HOXA9: variants seen among roughly 807,000 people sequenced by gnomAD.
The protein encoded by HOXA9 is homeobox protein Hox-A9.
A neutral mutation model predicts 19.0 loss-of-function variants in HOXA9; 18 were observed. The observed-to-expected ratio is 0.95, with a 90% CI of 0.65 to 1.40. The LOEUF (loss-of-function observed/expected upper bound fraction) is 1.40. Ranked by LOEUF, HOXA9 falls within the 40% of genes most tolerant of loss-of-function variation. HOXA9 has a pLI of 0.00. For missense variants in HOXA9, 443 were observed against 372.2 expected, an observed-to-expected ratio of 1.19 and a Z score of -1.57; for synonymous variants, 198 against 161.1, an observed-to-expected ratio of 1.23 and a Z score of -1.73.
In HOXA9 at chr7:27,162,494, C is replaced by A. The variant is rs963735434; in HGVS notation, c.*1109G>T. ...AAAGTTAAATATCATCTCAACACAA[C>A]AATTTGGTCAGTAGGCCTTGAGGTA... On this transcript the variant is annotated 3_prime_UTR_variant, in exon 2 of 2. Coordinates refer to ENST00000343483, the MANE Select transcript of HOXA9 (RefSeq NM_152739.4). The A allele has an allele frequency of 4.9e-6, 1 of 204,180 alleles. No individual in the cohort carries two copies. The highest frequency in any genetic ancestry group is 2.3e-5 in the African/African-American group (1 of 43,642). 12.6% of individuals were successfully genotyped at this position (204,180 alleles called of 1,614,324 possible).
At position 27,163,439 on chromosome 7, in the gene HOXA9, AG is replaced by A. The variant is rs1783244176; in HGVS notation, c.*163del. 3.0e-6 allele frequency: 2 copies of A among 662,990 alleles called. No homozygotes were observed. Among genetic ancestry groups the A allele is most frequent in the East Asian group, 5.0e-5 (2 of 39,900 alleles). 41.1% of individuals were successfully genotyped at this position (662,990 alleles called of 1,614,324 possible). ...GGCAGGCCTACGAGCCAGCCTGAAC[AG>A]GGTTTGCCTTGGAAAAGATGTGGCC... On this transcript the variant is annotated 3_prime_UTR_variant, in exon 2 of 2. Transcript: ENST00000343483.
chr7:27,165,479 C>T lies in HOXA9; in HGVS notation c.-22G>A, dbSNP rs767846825. On this transcript the variant is annotated 5_prime_UTR_variant, in exon 1 of 2. Coordinates refer to ENST00000343483, the MANE Select transcript of HOXA9 (RefSeq NM_152739.4). The stretch of plus-strand genomic sequence containing the variant: ...CCATCACCGTGCCCAGCGCCTGGCC[C>T]GCCCGGCCCGACCCACGGAAATTAT... 3.2e-6 allele frequency: 5 copies of T among 1,549,996 alleles called. No homozygotes were observed. The highest frequency in any genetic ancestry group is 2.4e-5 in the South Asian group (2 of 83,582).
Position 27,162,603 on chromosome 7 carries a change from C to T in HOXA9, c.*1000G>A, listed in dbSNP as rs912435066. On this transcript the variant is annotated 3_prime_UTR_variant, in exon 2 of 2. Transcript: ENST00000343483. ...ATACAAATCTACAGTAGCCCAATGG[C>T]GGTTTCATAGTGTATAATTTATTAT... 1 of 209,448 alleles carries T rather than the reference C, an allele frequency of 4.8e-6. No homozygotes were observed. Among genetic ancestry groups the T allele is most frequent in the East Asian group, 7.2e-5 (1 of 13,802 alleles). The allele number at this position is 209,448 out of a possible 1,614,324, so 13.0% of individuals were successfully genotyped here.
chr7:27,163,803 G>A lies in HOXA9; in HGVS notation c.619C>T (p.Arg207Trp), dbSNP rs2128068316. The change falls in exon 2 of 2, where the codon CGG becomes TGG. Residue 207 changes from arginine to tryptophan, a missense_variant. Transcript: ENST00000343483. Reference protein sequence around the residue: ...AANWLHARSTRKKRCPYTKHQ... With the variant: ...AANWLHARSTWKKRCPYTKHQ... Reference sequence around the variant, plus strand: ...TTTGTATAGGGGCACCGCTTTTTCCGAGTGGAGCGCGCATGAAGCCAGTTG... The same window carrying A: ...TTTGTATAGGGGCACCGCTTTTTCCAAGTGGAGCGCGCATGAAGCCAGTTG... 1 of 1,613,894 alleles carries A rather than the reference G, an allele frequency of 6.2e-7. No individual in the cohort carries two copies. The highest frequency in any genetic ancestry group is 8.5e-7 in the Non-Finnish European group (1 of 1,179,960).
rs1350836937 is a variant in HOXA9 at position 27,165,074 on chromosome 7, C to T, written c.384G>A (p.Arg128=). 1 of 1,613,804 alleles carries T rather than the reference C, an allele frequency of 6.2e-7. No individual in the cohort carries two copies. The highest frequency in any genetic ancestry group is 1.3e-5 in the African/African-American group (1 of 74,950). ...GCGGTTCAGGTTTAATGCCATAAGG[C>T]CGGCTGGAGGGCAAGCCCGCGAAGG... ...ALSFAGLPSS[R]PYGIKPEPLS... Residue 128 remains arginine (R), a synonymous_variant, in exon 1 of 2, where the codon CGG becomes CGA. Transcript: ENST00000343483.
intron 1 of HOXA9, 25 bp downstream of exon 1, chr7:27,164,853 G>A (rs1372267455): frequency 2.4e-5 from 39 of 1,594,774 alleles, no homozygotes; most frequent in Non-Finnish European, 3.1e-5. Context: ...AGGCGGCGGC[G>A]GATTTGAAGG....
Position 27,164,959 on chromosome 7 carries a change from C to G in HOXA9, c.499G>C (p.Glu167Gln). Residue 167 changes from glutamate to glutamine, a missense_variant, in exon 1 of 2, where the codon GAA becomes CAA. Glu to Gln is a conservative substitution (Grantham distance 29, BLOSUM62 2). Transcript: ENST00000343483. ...YACGSPPVDR[E>Q]KQPSEGAFSE... ...AAGGCGCCTTCGCTGGGTTGTTTTT[C>G]TCTATCAACTGGAGGAGAACCACAA... 1.2e-6 allele frequency: 2 copies of G among 1,614,228 alleles called. No individual in the cohort carries two copies. Among genetic ancestry groups the G allele is most frequent in the Non-Finnish European group, 1.7e-6 (2 of 1,180,026 alleles).
In HOXA9 at chr7:27,165,041, G is replaced by C. The variant is rs1305663591; in HGVS notation, c.417C>G (p.Ala139=). Reference sequence around the variant, plus strand: ...CAAGCGTGGGACAGTCACCCCTTCTGGCCGACAGCGGTTCAGGTTTAATGC... The same window carrying C: ...CAAGCGTGGGACAGTCACCCCTTCTCGCCGACAGCGGTTCAGGTTTAATGC... ...PYGIKPEPLS[A]RRGDCPTLDT... Residue 139 remains alanine (A), a synonymous_variant, in exon 1 of 2, where the codon GCC becomes GCG. Coordinates refer to ENST00000343483, the MANE Select transcript of HOXA9 (RefSeq NM_152739.4). 32 of 1,614,100 alleles carry C rather than the reference G, an allele frequency of 2.0e-5. No homozygotes were observed. The highest frequency in any genetic ancestry group is 2.6e-5 in the Non-Finnish European group (31 of 1,180,046).
rs1426885442 is a variant in HOXA9, at chr7:27,165,329, C to T, written c.129G>A (p.Ala43=). 1 of 1,578,818 alleles carries T rather than the reference C, an allele frequency of 6.3e-7. No individual in the cohort carries two copies. Among genetic ancestry groups the T allele is most frequent in the Admixed American group, 1.8e-5 (1 of 55,084 alleles). The change falls in exon 1 of 2, where the codon GCG becomes GCA. Residue 43 remains alanine, a synonymous_variant. Transcript: ENST00000343483. ...GTLGQPPRQA[A]TLAEHPDFSP... ...TGAAGTCGGGGTGCTCGGCCAGCGT[C>T]GCCGCCTGCCGGGGAGGCTGGCCCA...
At chr7:27,164,092 C>T (rs1033405300) in intron 1 of HOXA9, among the ~76,000 whole-genome samples, 3 of 152,106 alleles carry the variant, frequency 2.0e-5, no homozygotes, top group Non-Finnish European at 4.4e-5. Context: ...GTCCTCTTGT[C>T]CCCCTTCTCC....
chr7:27,165,360 C>T lies in HOXA9; in HGVS notation c.98G>A (p.Gly33Glu), dbSNP rs1001381193. 7.5e-6 allele frequency: 12 copies of T among 1,598,048 alleles called. No homozygotes were observed. In the South Asian group the frequency reaches 1.0e-4, roughly 13 times the overall value. ...DELSVGRYAP[G>E]TLGQPPRQAA... ...CTGCCGGGGAGGCTGGCCCAGGGTC[C>T]CCGGCGCATAGCGGCCAACGCTCAG... Residue 33 changes from glycine to glutamate, a missense_variant, in exon 1 of 2, where the codon GGG becomes GAG. Physicochemically the swap from Gly to Glu is moderately conservative, Grantham distance 98. Transcript: ENST00000343483.
At chr7:27,164,836 G>T in intron 1 of HOXA9, 42 bp downstream of exon 1, 1 of 1,584,114 alleles carries the variant, frequency 6.3e-7, no homozygotes, top group South Asian at 1.2e-5. Flanking sequence ...CCGGGAGGCC[G>T]GCGTGGAGGC....
chr7:27,165,320 G>A lies in HOXA9; in HGVS notation c.138C>T (p.Ala46=). The change falls in exon 1 of 2, where the codon GCC becomes GCT. Residue 46 remains alanine (A), a synonymous_variant. Coordinates refer to ENST00000343483, the MANE Select transcript of HOXA9 (RefSeq NM_152739.4). ...TGCACGGGCTGAAGTCGGGGTGCTC[G>A]GCCAGCGTCGCCGCCTGCCGGGGAG... ...GQPPRQAATL[A]EHPDFSPCSF... is the part of the protein sequence containing the mutation. The A allele has an allele frequency of 6.3e-7, 1 of 1,574,980 alleles. No homozygotes were observed. The highest frequency in any genetic ancestry group is 1.1e-5 in the South Asian group (1 of 87,544).
In HOXA9 at chr7:27,162,862, G is replaced by A. The variant is rs957588140; in HGVS notation, c.*741C>T. The A allele has an allele frequency of 2.0e-5, 4 of 198,194 alleles. No individual in the cohort carries two copies. The highest frequency in any genetic ancestry group is 1.6e-4 in the East Asian group (2 of 12,544). 12.3% of individuals were successfully genotyped at this position (198,194 alleles called of 1,614,324 possible). ...AGATAATGGACAGACTTAAATGCCCGCATTTTTAAGGTGGAGAAAATGATG... is the reference window on the plus strand; with the variant it reads ...AGATAATGGACAGACTTAAATGCCCACATTTTTAAGGTGGAGAAAATGATG... On this transcript the variant is annotated 3_prime_UTR_variant, in exon 2 of 2. Transcript: ENST00000343483.
At chr7:27,164,488 G>T (rs1402362241) in intron 1 of HOXA9, among the ~76,000 whole-genome samples, 1 of 152,268 alleles carries the variant, frequency 6.6e-6, no homozygotes, top group Non-Finnish European at 1.5e-5. Flanking sequence ...AGCTCCGGCT[G>T]CCCTGGCTGC....
In HOXA9 at chr7:27,164,875, T is replaced by C. The variant is rs1253186104; in HGVS notation, c.580+3A>G. On this transcript the variant is annotated splice_donor_region_variant and intron_variant, in intron 1 of 1. Coordinates refer to ENST00000343483, the MANE Select transcript of HOXA9 (RefSeq NM_152739.4). The stretch of plus-strand genomic sequence containing the variant: ...GGCGGATTTGAAGGGAGGAGACACT[T>C]ACTGGGATCGATGGGGGGCTTGTCT... 2 of 1,613,038 alleles carry C rather than the reference T, an allele frequency of 1.2e-6. No individual in the cohort carries two copies. Among genetic ancestry groups the C allele is most frequent in the African/African-American group, 1.3e-5 (1 of 74,898 alleles).
rs766131525 is a variant in HOXA9, at chr7:27,165,488, C to T, written c.-31G>A. 18 of 1,533,914 alleles carry T rather than the reference C, an allele frequency of 1.2e-5. No homozygotes were observed. The highest frequency in any genetic ancestry group is 1.4e-5 in the Non-Finnish European group (16 of 1,145,784). ...TGCCCAGCGCCTGGCCCGCCCGGCCCGACCCACGGAAATTATGAAACTGCA... is the reference window on the plus strand; with the variant it reads ...TGCCCAGCGCCTGGCCCGCCCGGCCTGACCCACGGAAATTATGAAACTGCA... On this transcript the variant is annotated 5_prime_UTR_variant, in exon 1 of 2. Coordinates refer to ENST00000343483, the MANE Select transcript of HOXA9 (RefSeq NM_152739.4).
In HOXA9 at chr7:27,163,671, T is replaced by C. The variant is rs996704303; in HGVS notation, c.751A>G (p.Lys251Glu). 6.2e-7 allele frequency: 1 copy of C among 1,614,078 alleles called. No individual in the cohort carries two copies. The highest frequency in any genetic ancestry group is 8.5e-7 in the Non-Finnish European group (1 of 1,180,006). Residue 251 changes from lysine (K) to glutamate (E), a missense_variant, in exon 2 of 2, where the codon AAG (lysine) becomes GAG (glutamate). Coordinates refer to ENST00000343483, the MANE Select transcript of HOXA9 (RefSeq NM_152739.4). ...RLLNLTERQV[K>E]IWFQNRRMKM... ...ATCCTGCGGTTCTGGAACCAGATCT[T>C]GACCTGCCTCTCGGTGAGGTTGAGC...
Position 27,163,518 on chromosome 7 carries a change from G to C in HOXA9, c.*85C>G. On this transcript the variant is annotated 3_prime_UTR_variant, in exon 2 of 2. Transcript: ENST00000343483. ...ATGGTGGAGGCTAGGGTGGGGGTGA[G>C]AGAAGGGAGAAGGCGGAAGGGGGAC... The C allele has an allele frequency of 1.8e-6, 2 of 1,099,026 alleles. No homozygotes were observed. The highest frequency in any genetic ancestry group is 1.3e-6 in the Non-Finnish European group (1 of 745,400). The allele number at this position is 1,099,026 out of a possible 1,614,324, so 68.1% of individuals were successfully genotyped here. A position where few individuals can be genotyped will look rare whatever the true frequency, so the allele number is the denominator to read the frequency against.
Sources: allele counts gnomAD v4.1 joint callset (sites outside exome capture counted in the v4.1 genomes callset), GRCh38; gene constraint gnomAD v4.1.1; transcripts MANE v1.5; gene names NCBI Gene and HGNC (gene_info 2026-07-23, HGNC 2026-07-21).